Variants in FBRSL1 observed in about 807,000 individuals in gnomAD.
FBRSL1 encodes fibrosin like 1.
FBRSL1 carries 51 observed loss-of-function variants against 89.6 expected under a neutral mutation model. The observed-to-expected ratio is 0.57, with a 90% CI of 0.45 to 0.72. The LOEUF (loss-of-function observed/expected upper bound fraction) is 0.72. Ranked by LOEUF, FBRSL1 falls within the 30% of genes least tolerant of loss-of-function variation. The pLI is 0.00. For missense variants in FBRSL1, 1,618 were observed against 1,451.8 expected (o/e 1.11, Z -1.86); for synonymous variants, 779 against 681.1 (o/e 1.14, Z -2.24).
intron 2 of FBRSL1, among the ~76,000 whole-genome samples, chr12:132,515,933 G>A (rs2034803009): frequency 6.6e-6 from 1 of 150,608 alleles, no homozygotes; most frequent in East Asian, 1.9e-4. Flanking sequence ...TAATAAGGTA[G>A]GAAACAGACA....
At chr12:132,514,122 T>C (rs888323021) in intron 2 of FBRSL1, among the ~76,000 whole-genome samples, 10 of 152,212 alleles carry the variant, frequency 6.6e-5, no homozygotes, top group Non-Finnish European at 1.5e-4. Flanking sequence ...TCCGCCTCTG[T>C]TCTCGCGTCA....
At chr12:132,555,252 TG>T (rs35049859) in intron 5 of FBRSL1, among the ~76,000 whole-genome samples, 14,906 of 147,806 alleles carry the variant, frequency 0.1, 1,171 homozygotes, top group African/African-American at 0.16. Flanking sequence ...GTAGCTGTGG[TG>T]TATCTCTGGA....
chr12:132,548,987 T>G (rs1275090111), intron 5 of FBRSL1, among the ~76,000 whole-genome samples: 2 of 152,150 alleles, frequency 1.3e-5, no homozygotes, highest in East Asian at 3.9e-4. Context: ...GGACGCCCAC[T>G]GTGGCCCGTG....
At chr12:132,567,729 C>T (rs1285153597) in intron 6 of FBRSL1, among the ~76,000 whole-genome samples, 1 of 152,152 alleles carries the variant, frequency 6.6e-6, no homozygotes, top group Non-Finnish European at 1.5e-5. Context: ...GAGCCCTAGG[C>T]AGGGCCTGGG....
Position 132,583,688 on chromosome 12 carries a change from G to C in FBRSL1, c.2919G>C (p.Arg973=). 1 of 1,165,412 alleles carries C rather than the reference G, an allele frequency of 8.6e-7. No homozygotes were observed. Among genetic ancestry groups the C allele is most frequent in the Non-Finnish European group, 1.1e-6 (1 of 945,404 alleles). 72.2% of individuals were successfully genotyped at this position (1,165,412 alleles called of 1,614,324 possible). A position where few individuals can be genotyped will look rare whatever the true frequency, so the allele number is the denominator to read the frequency against. Reference sequence around the variant, plus strand: ...CCCCCACGCCCCCCGGGCCGCCGCGGAGCCGGACTACTCCGCTGGGGGGCC... The same window carrying C: ...CCCCCACGCCCCCCGGGCCGCCGCGCAGCCGGACTACTCCGCTGGGGGGCC... ...AGPPTPPGPP[R]SRTTPLGGLG... is the part of the protein sequence containing the mutation. The change falls in exon 19 of 19, where the codon CGG becomes CGC. Residue 973 remains arginine, a synonymous_variant. Transcript: ENST00000680143.
intron 2 of FBRSL1, chr12:132,510,873 C>T: frequency 9.7e-7 from 1 of 1,026,412 alleles, no homozygotes; most frequent in Non-Finnish European, 1.2e-6. Flanking sequence ...ACTGTCCTTG[C>T]ATCTCTGAGT....
At chr12:132,539,687 T>A (rs2037073012) in intron 4 of FBRSL1, among the ~76,000 whole-genome samples, 1 of 107,476 alleles carries the variant, frequency 9.3e-6, no homozygotes, top group Admixed American at 9.8e-5. Context: ...CACCCAGTCC[T>A]GCCTTCCAGC....
chr12:132,490,710 C>T lies in FBRSL1; in HGVS notation c.140C>T (p.Ala47Val), dbSNP rs576429716. Residue 47 changes from alanine (A) to valine (V), a missense_variant, in exon 1 of 19, where the codon GCG (alanine) becomes GTG (valine). Coordinates refer to ENST00000680143, the MANE Select transcript of FBRSL1 (RefSeq NM_001367871.1). Reference sequence around the variant, plus strand: ...GAGCCCAGCCCCGGCAAGGAGAACGCGGGCCTCCGCGGCGCGCCCCCCCGA... The same window carrying T: ...GAGCCCAGCCCCGGCAAGGAGAACGTGGGCCTCCGCGGCGCGCCCCCCCGA... ...EPEPSPGKEN[A>V]GLRGAPPRGA... is the part of the protein sequence containing the mutation. 44 of 987,916 alleles carry T rather than the reference C, an allele frequency of 4.5e-5. No individual in the cohort carries two copies. The highest frequency in any genetic ancestry group is 5.1e-4 in the Middle Eastern group (1 of 1,962). 61.2% of individuals were successfully genotyped at this position (987,916 alleles called of 1,614,324 possible). A position where few individuals can be genotyped will look rare whatever the true frequency, so the allele number is the denominator to read the frequency against.
chr12:132,583,606 C>G lies in FBRSL1; in HGVS notation c.2837C>G (p.Thr946Ser), dbSNP rs1318935916. The G allele has an allele frequency of 4.0e-6, 4 of 991,876 alleles. No individual in the cohort carries two copies. Among genetic ancestry groups the G allele is most frequent in the Admixed American group, 6.2e-5 (1 of 16,038 alleles). The allele number at this position is 991,876 out of a possible 1,614,324, so 61.4% of individuals were successfully genotyped here. ...CTGCACAATGGGCTCCTGGCGCGGACCCCGCCCGCCGCCGCCGCCCTCGGC... is the reference window on the plus strand; with the variant it reads ...CTGCACAATGGGCTCCTGGCGCGGAGCCCGCCCGCCGCCGCCGCCCTCGGC... Reference protein sequence around the residue: ...AALHNGLLARTPPAAAALGAP... With the variant: ...AALHNGLLARSPPAAAALGAP... The change falls in exon 19 of 19, where the codon ACC (threonine) becomes AGC (serine). Residue 946 changes from threonine to serine, a missense_variant. Physicochemically the swap from Thr to Ser is moderately conservative, Grantham distance 58. Coordinates refer to ENST00000680143, the MANE Select transcript of FBRSL1 (RefSeq NM_001367871.1).
rs2040998659 is a variant in FBRSL1, at chr12:132,584,409, A to ATTCT, written c.*633_*636dup. ...TGATATAAATATATGACGTTACTAA[A>ATTCT]TTCTTAATCTAGATAGACTTTATAA... On this transcript the variant is annotated 3_prime_UTR_variant, in exon 19 of 19. Transcript: ENST00000680143. The ATTCT allele has an allele frequency of 6.6e-6, 1 of 152,236 alleles. No individual in the cohort carries two copies. The highest frequency in any genetic ancestry group is 1.5e-5 in the Non-Finnish European group (1 of 68,046). 9.4% of individuals were successfully genotyped at this position (152,236 alleles called of 1,614,324 possible).
At chr12:132,518,092 G>A (rs537578217) in intron 2 of FBRSL1, among the ~76,000 whole-genome samples, 62 of 152,204 alleles carry the variant, frequency 4.1e-4, no homozygotes, top group Middle Eastern at 3.4e-3. Flanking sequence ...GACTGCACAG[G>A]CAGGGCCTTG....
At position 132,543,847 on chromosome 12, in the gene FBRSL1, C is replaced by G. The variant is rs1039533282; in HGVS notation, c.616-4156C>G. Among the ~76,000 whole-genome samples the G allele has an allele frequency of 5.3e-5, 8 of 152,362 alleles. No homozygotes were observed. In the East Asian group the frequency reaches 9.7e-4, roughly 18 times the overall value. On this transcript the variant is annotated intron_variant, in intron 4 of 18. Coordinates refer to ENST00000680143, the MANE Select transcript of FBRSL1 (RefSeq NM_001367871.1). ...TGTGCTTCCGAGCCCCACTGCGGCT[C>G]TCACACCCAGCCCGGGATGGAGGTG...
At chr12:132,498,524 C>T (rs2032438475) in intron 1 of FBRSL1, among the ~76,000 whole-genome samples, 2 of 152,228 alleles carry the variant, frequency 1.3e-5, no homozygotes, top group Non-Finnish European at 1.5e-5. Context: ...ATGGGCCATC[C>T]CCACACACCT....
chr12:132,497,212 C>G (rs938890071), intron 1 of FBRSL1, among the ~76,000 whole-genome samples: 9 of 152,216 alleles, frequency 5.9e-5, no homozygotes, highest in African/African-American at 2.2e-4. Flanking sequence ...CCCAGCACTC[C>G]AGCCCATTTA....
chr12:132,528,975 G>A (rs904424400), intron 4 of FBRSL1, among the ~76,000 whole-genome samples: 4 of 152,106 alleles, frequency 2.6e-5, no homozygotes, highest in African/African-American at 4.8e-5. Context: ...CCATCTCCCC[G>A]GCCCCCATCA....
intron 4 of FBRSL1, among the ~76,000 whole-genome samples, chr12:132,529,655 T>TGGCTCTGCCACCCTGGGCTC (rs1566149535): frequency 9.4e-5 from 12 of 127,582 alleles, no homozygotes; most frequent in South Asian, 2.5e-4. Flanking sequence ...ACCCTGGGCT[T>TGGCTCTGCCACCCTGGGCTC]GGCTCTGCCA....
chr12:132,574,191 G>A, intron 12 of FBRSL1, 33 bp downstream of exon 12: 5 of 1,429,306 alleles, frequency 3.5e-6, no homozygotes, highest in East Asian at 2.6e-5. Context: ...CCCCACCCCG[G>A]GGGATGGCCT....
intron 1 of FBRSL1, among the ~76,000 whole-genome samples, chr12:132,498,666 T>C (rs2136391638): frequency 6.6e-6 from 1 of 152,304 alleles, no homozygotes; most frequent in South Asian, 2.1e-4. Flanking sequence ...GAGGTGCTAC[T>C]GCACAGGGCC....
At chr12:132,509,971 G>C in intron 2 of FBRSL1, 1 of 1,231,718 alleles carries the variant, frequency 8.1e-7, no homozygotes, top group Non-Finnish European at 1.0e-6. Flanking sequence ...GGCCAGCCCA[G>C]CCGCCCCCGG....
Sources: allele counts gnomAD v4.1 joint callset (sites outside exome capture counted in the v4.1 genomes callset), GRCh38; gene constraint gnomAD v4.1.1; transcripts MANE v1.5; gene names NCBI Gene and HGNC (gene_info 2026-07-23, HGNC 2026-07-21).